The following ELK3 variants were observed in gnomAD, a reference collection of about 807,000 sequenced individuals.
ELK3 encodes ETS transcription factor ELK3.
A neutral mutation model predicts 28.9 loss-of-function variants in ELK3; 10 were observed. The ratio of observed to expected loss-of-function variants is 0.35; its 90% CI spans 0.21 to 0.59. The LOEUF (loss-of-function observed/expected upper bound fraction) is 0.59, where lower values mean the gene tolerates loss of function less well. ELK3 is among the 20% of genes least tolerant of loss of function. The probability of loss-of-function intolerance (pLI) is 0.82; values close to 1 mark genes in which losing one functional copy is unlikely to be tolerated. For synonymous variants in ELK3, 272 were observed against 243.5 expected (o/e 1.12, Z -1.09); for missense variants, 463 against 517.3 (o/e 0.90, Z 1.02).
At chr12:96,251,391 A>G (rs906709597) in intron 3 of ELK3, among the ~76,000 whole-genome samples, 7 of 152,160 alleles carry the variant, frequency 4.6e-5, no homozygotes, top group African/African-American at 1.7e-4. Flanking sequence ...CTGAAACACA[A>G]CAATTTTGAA....
chr12:96,235,429 T>C (rs1951775877), intron 2 of ELK3, among the ~76,000 whole-genome samples: 1 of 152,096 alleles, frequency 6.6e-6, no homozygotes, highest in African/African-American at 2.4e-5. Context: ...TACCATTTCC[T>C]GCATCCTGCA....
intron 1 of ELK3, among the ~76,000 whole-genome samples, chr12:96,212,515 C>A (rs1488860863): frequency 6.6e-6 from 1 of 152,138 alleles, no homozygotes; most frequent in African/African-American, 2.4e-5. Flanking sequence ...CAGAAGGTTA[C>A]CTGAAAAGAT....
At chr12:96,197,485 C>T (rs1951479407) in intron 1 of ELK3, among the ~76,000 whole-genome samples, 1 of 152,196 alleles carries the variant, frequency 6.6e-6, no homozygotes, top group African/African-American at 2.4e-5. Flanking sequence ...ATTTAAAAGT[C>T]ATCATCTGTA....
chr12:96,263,734 T>TAG (rs1368751963), intron 4 of ELK3, among the ~76,000 whole-genome samples: 2 of 152,160 alleles, frequency 1.3e-5, no homozygotes, highest in African/African-American at 4.8e-5. Context: ...TTTAGATGAA[T>TAG]AGAGCCGAAT....
intron 1 of ELK3, among the ~76,000 whole-genome samples, chr12:96,214,991 A>G (rs958990129): frequency 2.0e-5 from 3 of 152,130 alleles, no homozygotes; most frequent in South Asian, 4.1e-4. Context: ...ATCCATCTTC[A>G]TTTCTCTAAC....
At chr12:96,260,176 G>GA (rs1465113578) in intron 4 of ELK3, among the ~76,000 whole-genome samples, 1 of 152,160 alleles carries the variant, frequency 6.6e-6, no homozygotes, top group East Asian at 1.9e-4. Flanking sequence ...CAGTGTGATG[G>GA]CTCACACCTG....
At chr12:96,205,383 C>G (rs796571127) in intron 1 of ELK3, among the ~76,000 whole-genome samples, 4 of 152,302 alleles carry the variant, frequency 2.6e-5, no homozygotes, top group African/African-American at 9.6e-5. Flanking sequence ...TTCGTGAGCA[C>G]TGGGAGGCAA....
In ELK3 at chr12:96,259,741, G is replaced by T; in HGVS notation, c.1013G>T (p.Gly338Val). The change falls in exon 4 of 5, where the codon GGA becomes GTA. Residue 338 changes from glycine to valine, a missense_variant. Transcript: ENST00000228741. ...TGCTTTACTTCCCAGACACCAAATG[G>T]ATTGCTTCTGACTCCGAGTCCACTG... ...PAFFTAQTPNGLLLTPSPLLS... is the reference protein window; with the variant it reads ...PAFFTAQTPNVLLLTPSPLLS... 2 of 1,608,410 alleles carry T rather than the reference G, an allele frequency of 1.2e-6. No homozygotes were observed. The highest frequency in any genetic ancestry group is 8.5e-7 in the Non-Finnish European group (1 of 1,177,486).
chr12:96,209,216 CAT>C (rs1325311788), intron 1 of ELK3, among the ~76,000 whole-genome samples: 3 of 152,176 alleles, frequency 2.0e-5, no homozygotes, highest in Non-Finnish European at 4.4e-5. Flanking sequence ...GGAGCTAACA[CAT>C]GAGATTTTCT....
chr12:96,225,040 C>T (rs1227237249), intron 2 of ELK3, among the ~76,000 whole-genome samples: 1 of 152,110 alleles, frequency 6.6e-6, no homozygotes, highest in Non-Finnish European at 1.5e-5. Context: ...TTAATTAATC[C>T]TGACTTACTG....
chr12:96,202,523 C>CTTTTTTT (rs67138285), intron 1 of ELK3, among the ~76,000 whole-genome samples: 2 of 108,624 alleles, frequency 1.8e-5, no homozygotes, highest in Non-Finnish European at 3.5e-5. Flanking sequence ...TTACCACAAG[C>CTTTTTTT]TTTTTTTTTT....
At chr12:96,249,222 T>C (rs1247526141) in intron 3 of ELK3, among the ~76,000 whole-genome samples, 1 of 152,154 alleles carries the variant, frequency 6.6e-6, no homozygotes, top group African/African-American at 2.4e-5. Context: ...TCAAATGAAA[T>C]GCATTCCCGC....
chr12:96,247,324 G>A lies in ELK3; in HGVS notation c.592G>A (p.Val198Met), dbSNP rs376200305. Residue 198 changes from valine to methionine, a missense_variant, in exon 3 of 5, where the codon GTG (valine) becomes ATG (methionine). Physicochemically the swap from Val to Met is conservative, Grantham distance 21. Around this residue, in one of 2 missense-constraint regions of ELK3, gnomAD observed 408 missense variants for 414.8 expected, o/e 0.98. Coordinates refer to ENST00000228741, the MANE Select transcript of ELK3 (RefSeq NM_005230.4). The surrounding 1 kb of genome is among the most constrained non-coding windows in gnomAD (Gnocchi z 5.5). ...NKTDKHVTRP[V>M]VSLPSTSEAA... ...AACCGACAAGCACGTCACCAGGCCG[G>A]TGGTGTCCCTGCCTTCCACGTCAGA... is the stretch of plus-strand genomic sequence containing the variant. 8.7e-6 allele frequency: 14 copies of A among 1,614,134 alleles called. No homozygotes were observed. The South Asian group carries it at 1.1e-4, about 13-fold the overall frequency.
At chr12:96,241,292 T>C (rs1951819132) in intron 2 of ELK3, among the ~76,000 whole-genome samples, 1 of 152,224 alleles carries the variant, frequency 6.6e-6, no homozygotes, top group Non-Finnish European at 1.5e-5. Flanking sequence ...TCTAATTCCA[T>C]ATGCATCTTT....
chr12:96,217,509 C>G (rs1468556405), intron 1 of ELK3, among the ~76,000 whole-genome samples: 1 of 152,180 alleles, frequency 6.6e-6, no homozygotes, highest in Non-Finnish European at 1.5e-5. Flanking sequence ...TATTCAGATG[C>G]TTTTTTGAAC....
intron 4 of ELK3, among the ~76,000 whole-genome samples, chr12:96,264,576 A>G (rs1952015884): frequency 6.6e-6 from 1 of 152,178 alleles, no homozygotes; most frequent in African/African-American, 2.4e-5. Context: ...TGAGCCCAAG[A>G]GTTCGAGACC....
intron 2 of ELK3, among the ~76,000 whole-genome samples, chr12:96,233,856 G>A (rs1157367140): frequency 6.6e-6 from 1 of 152,250 alleles, no homozygotes; most frequent in African/African-American, 2.4e-5. Context: ...GGCCCTCTGT[G>A]CCCGGCCCTG....
chr12:96,247,500 C>G lies in ELK3; in HGVS notation c.768C>G (p.His256Gln). ...LSPNSPLPSE[H>Q]RSLFLEAACH... is the part of the protein sequence containing the mutation. ...CCAACTCACCCCTCCCTTCTGAACA[C>G]AGAAGCCTCTTCCTGGAGGCCGCCT... Residue 256 changes from histidine to glutamine, a missense_variant, in exon 3 of 5, where the codon CAC (histidine) becomes CAG (glutamine). His to Gln is a conservative substitution (Grantham distance 24). Transcript: ENST00000228741. The surrounding 1 kb of genome is among the most constrained non-coding windows in gnomAD (Gnocchi z 5.5). The G allele has an allele frequency of 6.2e-7, 1 of 1,614,098 alleles. No individual in the cohort carries two copies.
At chr12:96,214,529 T>C (rs1212418061) in intron 1 of ELK3, among the ~76,000 whole-genome samples, 1 of 152,196 alleles carries the variant, frequency 6.6e-6, no homozygotes, top group Non-Finnish European at 1.5e-5. Context: ...TACTTTTGTT[T>C]ACCTTTTTTA....
Sources: gnomAD v4.1 joint callset for allele counts (sites outside exome capture counted in the v4.1 genomes callset) on GRCh38, gnomAD v4.1.1 for gene constraint, gnomAD v4.1.1 regional missense constraint, Gnocchi (gnomAD v3.1) non-coding constraint, MANE v1.5 for transcripts, NCBI Gene and HGNC (gene_info 2026-07-23, HGNC 2026-07-21) for gene names.